The following RBFOX1 variants were observed in gnomAD, a reference collection of about 807,000 sequenced individuals.
RBFOX1 encodes RNA binding protein fox-1 homolog 1.
In RBFOX1, 8 loss-of-function variants were observed where a neutral mutation model predicts 57.7. The ratio of observed to expected loss-of-function variants is 0.14; its 90% CI spans 0.08 to 0.25. RBFOX1 has a LOEUF of 0.25. RBFOX1 is among the 10% of genes least tolerant of loss of function. The pLI is 1.00. For synonymous variants in RBFOX1, 326 were observed against 222.4 expected (o/e 1.47, Z -4.15); for missense variants, 611 against 548.5 (o/e 1.11, Z -1.14).
intron 4 of RBFOX1, among the ~76,000 whole-genome samples, chr16:5,893,369 A>C (rs796661084): frequency 6.6e-6 from 1 of 152,256 alleles, no homozygotes; most frequent in Non-Finnish European, 1.5e-5. Flanking sequence ...CAGGGAGACT[A>C]TAGTCAAAAA....
intron 3 of RBFOX1, among the ~76,000 whole-genome samples, chr16:6,857,924 T>G (rs917581444): frequency 6.6e-6 from 1 of 152,186 alleles, no homozygotes; most frequent in Non-Finnish European, 1.5e-5. Flanking sequence ...TTGCATTTAC[T>G]TTATTTTATT....
At chr16:6,551,702 G>A (rs895397087) in intron 2 of RBFOX1, among the ~76,000 whole-genome samples, 2 of 152,176 alleles carry the variant, frequency 1.3e-5, no homozygotes, top group African/African-American at 4.8e-5. Context: ...AAAGATTAGA[G>A]CCAAAATGAA....
intron 14 of RBFOX1, among the ~76,000 whole-genome samples, chr16:7,683,682 G>C (rs1025229341): frequency 2.0e-5 from 3 of 151,906 alleles, no homozygotes; most frequent in Non-Finnish European, 4.4e-5. Context: ...GACTTGATAG[G>C]CCACAAAAAA....
chr16:5,777,127 C>T (rs1449197766), intron 3 of RBFOX1, among the ~76,000 whole-genome samples: 3 of 152,104 alleles, frequency 2.0e-5, no homozygotes, highest in Non-Finnish European at 4.4e-5. Flanking sequence ...AAATTTATTA[C>T]CTTACAATTC....
chr16:5,242,929 G>A (rs1228224994), intron 1 of RBFOX1, among the ~76,000 whole-genome samples: 1 of 150,364 alleles, frequency 6.7e-6, no homozygotes, highest in East Asian at 2.0e-4. Flanking sequence ...CGGGCCCCCA[G>A]GAGCCCCTGA....
At chr16:7,473,408 A>C (rs2061965817) in intron 4 of RBFOX1, among the ~76,000 whole-genome samples, 2 of 148,066 alleles carry the variant, frequency 1.4e-5, no homozygotes, top group Admixed American at 1.4e-4. Flanking sequence ...ATTTATATAT[A>C]ATGTTATATA....
chr16:7,202,803 C>G (rs1427188782), intron 4 of RBFOX1, among the ~76,000 whole-genome samples: 1 of 152,148 alleles, frequency 6.6e-6, no homozygotes, highest in Non-Finnish European at 1.5e-5. Flanking sequence ...CCTGCAACAG[C>G]CCCCCACCCT....
chr16:7,205,703 T>C (rs2089818375), intron 4 of RBFOX1, among the ~76,000 whole-genome samples: 1 of 152,194 alleles, frequency 6.6e-6, no homozygotes, highest in South Asian at 2.1e-4. Context: ...TGGTCCACCA[T>C]CTGCAGTCTT....
chr16:5,241,707 G>A (rs1167112536), intron 1 of RBFOX1, among the ~76,000 whole-genome samples: 5 of 152,256 alleles, frequency 3.3e-5, no homozygotes, highest in East Asian at 3.8e-4. Flanking sequence ...TTAGCGTTGT[G>A]CCTGGCACAT....
intron 3 of RBFOX1, among the ~76,000 whole-genome samples, chr16:5,696,248 G>A (rs988955601): frequency 4.6e-5 from 7 of 152,154 alleles, no homozygotes; most frequent in African/African-American, 1.7e-4. Flanking sequence ...TTAGCTGCCA[G>A]AACTATTATT....
At position 6,818,832 on chromosome 16, in the gene RBFOX1, A is replaced by G. The variant is rs116701578; in HGVS notation, c.-16+164182A>G. Among the ~76,000 whole-genome samples the G allele has an allele frequency of 8.4e-3, 1,273 of 152,290 alleles. 24 individuals carry two copies. Among genetic ancestry groups the G allele is most frequent in the African/African-American group, 0.028 (1,177 of 41,548 alleles). ...CTCCCTGACTGGTCCGTGCCTGGGC[A>G]TATCGCCCAACTCAGTCCAATGAGA... On this transcript the variant is annotated intron_variant, in intron 3 of 15. Transcript: ENST00000550418.
chr16:6,177,908 A>G (rs2097026051), intron 1 of RBFOX1, among the ~76,000 whole-genome samples: 1 of 125,416 alleles, frequency 8.0e-6, no homozygotes, highest in Admixed American at 9.2e-5. Flanking sequence ...TAGCTCCTGC[A>G]TTTTCAGTGG....
chr16:5,288,446 G>T (rs931382933), intron 1 of RBFOX1, among the ~76,000 whole-genome samples: 6 of 152,024 alleles, frequency 3.9e-5, no homozygotes, highest in Admixed American at 1.3e-4. Context: ...TCCCCAGACA[G>T]GTACTTTGCC....
intron 4 of RBFOX1, among the ~76,000 whole-genome samples, chr16:7,327,928 G>A (rs149756679): frequency 1.4e-4 from 21 of 152,218 alleles, no homozygotes; most frequent in African/African-American, 5.1e-4. Context: ...CAGAATCCAT[G>A]AGGCAGGAGT....
intron 2 of RBFOX1, among the ~76,000 whole-genome samples, chr16:6,616,975 G>A (rs893734247): frequency 1.3e-5 from 2 of 152,146 alleles, no homozygotes; most frequent in Non-Finnish European, 2.9e-5. Context: ...TTGCAACAGA[G>A]ACCTTATGTC....
intron 1 of RBFOX1, among the ~76,000 whole-genome samples, chr16:5,268,405 T>C (rs2151115997): frequency 6.6e-6 from 1 of 152,332 alleles, no homozygotes; most frequent in South Asian, 2.1e-4. Context: ...TACAGGAAAG[T>C]CAGTTCTTAG....
intron 4 of RBFOX1, among the ~76,000 whole-genome samples, chr16:6,009,587 A>C (rs540099835): frequency 1.3e-5 from 2 of 152,052 alleles, no homozygotes; most frequent in African/African-American, 4.8e-5. Flanking sequence ...CCTGCTAACA[A>C]TTACCTCCTT....
intron 3 of RBFOX1, among the ~76,000 whole-genome samples, chr16:7,013,279 T>C (rs1479249556): frequency 4.6e-5 from 7 of 152,168 alleles, no homozygotes; most frequent in Non-Finnish European, 7.3e-5. Context: ...GCTGAGGTAA[T>C]TCAATGAAGT....
In RBFOX1 at chr16:5,533,526, A is replaced by C. The variant is rs369904888; in HGVS notation, c.259-65376A>C. The stretch of plus-strand genomic sequence containing the variant: ...TGTGTATTACAGAGATGCAAGGAAC[A>C]TTTAAAGTCTGAGCAGACTCCGTGA... On this transcript the variant is annotated intron_variant, in intron 2 of 2. Transcript: ENST00000585867. Among the ~76,000 whole-genome samples the C allele has an allele frequency of 8.5e-5, 13 of 152,308 alleles. No homozygotes were observed. The East Asian group carries it at 2.3e-3, about 27-fold the overall frequency.
Sources: gnomAD v4.1 joint callset for allele counts (sites outside exome capture counted in the v4.1 genomes callset) on GRCh38, gnomAD v4.1.1 for gene constraint, MANE v1.5 for transcripts, NCBI Gene and HGNC (gene_info 2026-07-23, HGNC 2026-07-21) for gene names.